Variants in SLC38A8 observed in about 807,000 individuals in gnomAD.
The protein encoded by SLC38A8 is solute carrier family 38 member 8.
In SLC38A8, 65 loss-of-function variants were observed where a neutral mutation model predicts 46.0. The observed-to-expected ratio is 1.41, with a 90% CI of 1.16 to 1.74. The LOEUF (loss-of-function observed/expected upper bound fraction) is 1.74, where lower values mean the gene tolerates loss of function less well. Among genes scored for constraint, SLC38A8 ranks in the 40% most tolerant of loss-of-function variants. The probability of loss-of-function intolerance (pLI) is 0.00; values close to 1 mark genes in which losing one functional copy is unlikely to be tolerated. For synonymous variants in SLC38A8, 447 were observed against 243.7 expected, an observed-to-expected ratio of 1.83 and a Z score of -7.77; for missense variants, 998 against 567.9, an observed-to-expected ratio of 1.76 and a Z score of -7.70.
chr16:84,015,233 G>C (rs1235978522), intron 9 of SLC38A8, among the ~76,000 whole-genome samples: 1 of 152,132 alleles, frequency 6.6e-6, no homozygotes, highest in Non-Finnish European at 1.5e-5. Flanking sequence ...CGGATCTGGA[G>C]TCTCTGTTCT....
At chr16:84,018,223 CTTTTTTTTTTT>C (rs796178053) in intron 7 of SLC38A8, among the ~76,000 whole-genome samples, 9 of 79,904 alleles carry the variant, frequency 1.1e-4, no homozygotes, top group South Asian at 4.1e-4. Context: ...GCCCTCATTC[CTTTTTTTTTTT>C]TTTTTTTTTT....
intron 9 of SLC38A8, among the ~76,000 whole-genome samples, chr16:84,015,500 C>A (rs1050441167): frequency 6.6e-6 from 1 of 151,998 alleles, no homozygotes; most frequent in African/African-American, 2.4e-5. Context: ...AATCTTTTAG[C>A]AGGAGGCACC....
intron 6 of SLC38A8, among the ~76,000 whole-genome samples, chr16:84,027,894 GACAA>G (rs1257935371): frequency 6.6e-6 from 1 of 152,140 alleles, no homozygotes; most frequent in Non-Finnish European, 1.5e-5. Flanking sequence ...ACTCAGTCCA[GACAA>G]ACAGTTGACA....
In SLC38A8 at chr16:84,041,971, G is replaced by T. The variant is rs2085372136; in HGVS notation, c.187C>A (p.Leu63Met). The T allele has an allele frequency of 6.3e-7, 1 of 1,587,902 alleles. No homozygotes were observed. Among genetic ancestry groups the T allele is most frequent in the East Asian group, 2.3e-5 (1 of 44,322 alleles). The change falls in exon 2 of 11, where the codon CTG (leucine) becomes ATG (methionine). Residue 63 changes from leucine (L) to methionine (M), a missense_variant and splice_region_variant. Physicochemically the swap from Leu to Met is conservative, Grantham distance 15. Transcript: ENST00000299709. ...GGACTCACTTCCCGGGGACTTACCA[G>T]CTCCACCAGGAAGGCAGGGACCACT... Reference protein sequence around the residue: ...GGVVPAFLVELVSLVFLISGL... With the variant: ...GGVVPAFLVEMVSLVFLISGL...
At chr16:84,032,820 C>T (rs1366397028) in intron 4 of SLC38A8, among the ~76,000 whole-genome samples, 2 of 151,358 alleles carry the variant, frequency 1.3e-5, no homozygotes, top group Admixed American at 6.6e-5. Context: ...GACCCTTAGC[C>T]ACAAAAAAAC....
intron 2 of SLC38A8, among the ~76,000 whole-genome samples, chr16:84,037,850 C>T (rs2085319296): frequency 7.5e-6 from 1 of 133,398 alleles, no homozygotes; most frequent in Non-Finnish European, 1.5e-5. Context: ...GCTCTGTCAC[C>T]CAGGCTGGAG....
intron 8 of SLC38A8, among the ~76,000 whole-genome samples, 168 bp downstream of exon 8, chr16:84,016,972 G>T (rs1489885970): frequency 1.3e-5 from 2 of 152,168 alleles, no homozygotes; most frequent in African/African-American, 4.8e-5. Context: ...CACACTCACG[G>T]AGTGACTTTG....
At chr16:84,017,546 C>A (rs2085045263) in intron 7 of SLC38A8, among the ~76,000 whole-genome samples, 1 of 152,308 alleles carries the variant, frequency 6.6e-6, no homozygotes, top group Non-Finnish European at 1.5e-5. Context: ...ACGGAGCTCA[C>A]CCACAGTGCG....
chr16:84,012,385 T>C (rs559022405), intron 10 of SLC38A8, among the ~76,000 whole-genome samples: 4 of 152,294 alleles, frequency 2.6e-5, no homozygotes, highest in African/African-American at 7.2e-5. Context: ...ATTTGTCAAA[T>C]GAAGGAAAGA....
chr16:84,013,324 C>G lies in SLC38A8; in HGVS notation c.1163-272G>C, dbSNP rs117911024. Among the ~76,000 whole-genome samples the G allele has an allele frequency of 3.2e-3, 487 of 152,246 alleles. 1 individual carries two copies. The highest frequency in any genetic ancestry group is 5.1e-3 in the Non-Finnish European group (347 of 68,038). ...CAGGCAACCTTGACAACATGCCCCC[C>G]CACAGCAGAGTCTATGAGGAGATGG... On this transcript the variant is annotated intron_variant, in intron 9 of 10. Transcript: ENST00000299709.
At chr16:84,013,123 G>A (rs1346942805) in intron 9 of SLC38A8, 71 bp from the exon 10 acceptor site, 1 of 1,580,384 alleles carries the variant, frequency 6.3e-7, no homozygotes, top group South Asian at 1.1e-5. Context: ...TCCCGGGAGA[G>A]GTCCTCAGGG....
At chr16:84,041,925 G>A (rs1453728393) in intron 2 of SLC38A8, 44 bp downstream of exon 2, 1 of 1,512,078 alleles carries the variant, frequency 6.6e-7, no homozygotes, top group Non-Finnish European at 8.9e-7. Context: ...AAAAGCCAAA[G>A]CCACCTCGTA....
chr16:84,026,010 G>A (rs184848010), intron 6 of SLC38A8, among the ~76,000 whole-genome samples: 73 of 152,370 alleles, frequency 4.8e-4, no homozygotes, highest in Admixed American at 1.2e-3. Flanking sequence ...GCCCACAATG[G>A]GGACCTCCGT....
chr16:84,041,319 CTTTG>C (rs1464918322), intron 2 of SLC38A8: 1 of 152,326 alleles, frequency 6.6e-6, no homozygotes, highest in Non-Finnish European at 1.5e-5. Flanking sequence ...AGGAGTCGAG[CTTTG>C]TTTTTGTGTG....
chr16:84,030,839 G>A lies in SLC38A8; in HGVS notation c.632+1028C>T, dbSNP rs950043621. ...CACTGAGCATGGGGCCTGGGTGACT[G>A]TAGGGGTCGCACACCCACGAGCCAG... is the stretch of plus-strand genomic sequence containing the variant. On this transcript the variant is annotated intron_variant, in intron 5 of 10. Transcript: ENST00000299709. 2.0e-5 allele frequency among the ~76,000 whole-genome samples: 3 copies of A among 151,784 alleles called. No homozygotes were observed. The Admixed American group carries it at 2.0e-4, about 10-fold the overall frequency.
chr16:84,013,435 T>TTG (rs1301467007), intron 9 of SLC38A8, among the ~76,000 whole-genome samples: 2 of 130,696 alleles, frequency 1.5e-5, no homozygotes, highest in Admixed American at 7.5e-5. Flanking sequence ...TTTTTTTTTT[T>TTG]TTTTTTTTTT....
intron 3 of SLC38A8, 147 bp from the exon 4 acceptor site, chr16:84,033,616 A>T: frequency 1.1e-6 from 1 of 871,972 alleles, no homozygotes; most frequent in Non-Finnish European, 1.7e-6. Context: ...AGTGAGATGG[A>T]GACAGGTCAC....
Position 84,025,938 on chromosome 16 carries a change from C to T in SLC38A8, c.691-3049G>A, listed in dbSNP as rs115552666. Among the ~76,000 whole-genome samples, 332 of 152,330 alleles carry T rather than the reference C, an allele frequency of 2.2e-3. 2 individuals carry two copies. The highest frequency in any genetic ancestry group is 7.1e-3 in the African/African-American group (296 of 41,584). ...GCAACCCCTCTGCCTCCTGCACCCC[C>T]GCAGCACTTGTGGGGCTCACCCCAC... On this transcript the variant is annotated intron_variant, in intron 6 of 10. Coordinates refer to ENST00000299709, the MANE Select transcript of SLC38A8 (RefSeq NM_001080442.3).
At chr16:84,018,104 C>T (rs1290466290) in intron 7 of SLC38A8, among the ~76,000 whole-genome samples, 1 of 152,020 alleles carries the variant, frequency 6.6e-6, no homozygotes, top group East Asian at 1.9e-4. Context: ...GTTATGAAGG[C>T]TGAGAAGTCC....
Sources: allele counts gnomAD v4.1 joint callset (sites outside exome capture counted in the v4.1 genomes callset), GRCh38; gene constraint gnomAD v4.1.1; transcripts MANE v1.5; gene names NCBI Gene and HGNC (gene_info 2026-07-23, HGNC 2026-07-21).